ARMC8: variants seen among roughly 807,000 people sequenced by gnomAD.
ARMC8 encodes armadillo repeat containing 8, also known as armadillo repeat-containing protein 8.
ARMC8 carries 20 observed loss-of-function variants against 99.3 expected under a neutral mutation model. That is an observed-to-expected ratio of 0.20 (90% CI 0.14 to 0.29). The LOEUF (loss-of-function observed/expected upper bound fraction) is 0.29. ARMC8 is among the 10% of genes least tolerant of loss of function. The probability of loss-of-function intolerance (pLI) is 1.00; values close to 1 mark genes in which losing one functional copy is unlikely to be tolerated. For synonymous variants in ARMC8, 263 were observed against 278.3 expected, an observed-to-expected ratio of 0.95 and a Z score of 0.55; for missense variants, 569 against 809.5, an observed-to-expected ratio of 0.70 and a Z score of 3.60.
intron 7 of ARMC8, among the ~76,000 whole-genome samples, chr3:138,236,397 C>G (rs1056420022): frequency 1.3e-5 from 2 of 152,192 alleles, no homozygotes; most frequent in South Asian, 4.1e-4. Context: ...ATTAATTCCC[C>G]CAGCTCTTCC....
chr3:138,293,391 TAGC>T (rs1055223655), intron 21 of ARMC8, among the ~76,000 whole-genome samples: 34 of 152,012 alleles, frequency 2.2e-4, no homozygotes, highest in African/African-American at 8.0e-4. Flanking sequence ...CTCCAAAAAT[TAGC>T]AGGGCATGGT....
Position 138,237,300 on chromosome 3 carries a change from T to G in ARMC8, c.610-9T>G. The G allele has an allele frequency of 6.2e-7, 1 of 1,610,528 alleles. No individual in the cohort carries two copies. The highest frequency in any genetic ancestry group is 8.5e-7 in the Non-Finnish European group (1 of 1,179,148). On this transcript the variant is annotated splice_polypyrimidine_tract_variant and intron_variant, in intron 7 of 21. Coordinates refer to ENST00000469044, the MANE Select transcript of ARMC8 (RefSeq NM_001363941.2). The stretch of plus-strand genomic sequence containing the variant: ...AACACATTTTTTGTTTGTTCATTTA[T>G]TTTTACAGGTTCGAATGCAAGCACT...
chr3:138,196,438 G>A (rs1048502716), intron 1 of ARMC8, among the ~76,000 whole-genome samples: 2 of 152,138 alleles, frequency 1.3e-5, no homozygotes, highest in African/African-American at 2.4e-5. Flanking sequence ...TTAAGGATGA[G>A]AATCTCAATA....
In ARMC8 at chr3:138,237,335, C is replaced by T; in HGVS notation, c.636C>T (p.Phe212=). ...TTCGAATGCAAGCACTGAAATGTTT[C>T]TCAGTTTTAGCTTTTGAAAACCCCC... ...YKVRMQALKC[F]SVLAFENPQV... is the part of the protein sequence containing the mutation. Residue 212 remains phenylalanine (F), a synonymous_variant, in exon 8 of 22, where the codon TTC becomes TTT. Coordinates refer to ENST00000469044, the MANE Select transcript of ARMC8 (RefSeq NM_001363941.2). 1 of 1,613,130 alleles carries T rather than the reference C, an allele frequency of 6.2e-7. No individual in the cohort carries two copies. The highest frequency in any genetic ancestry group is 1.1e-5 in the South Asian group (1 of 90,804).
intron 1 of ARMC8, among the ~76,000 whole-genome samples, chr3:138,208,225 T>C (rs1417551500): frequency 6.6e-6 from 1 of 152,184 alleles, no homozygotes; most frequent in Non-Finnish European, 1.5e-5. Context: ...CCCAGCACTT[T>C]GGGAGGCCAA....
chr3:138,249,165 A>G (rs2047014445), intron 12 of ARMC8, among the ~76,000 whole-genome samples: 1 of 152,216 alleles, frequency 6.6e-6, no homozygotes. Flanking sequence ...GCAATATTGC[A>G]TTATTAAGCA....
intron 2 of ARMC8, among the ~76,000 whole-genome samples, chr3:138,216,158 T>G (rs183714322): frequency 4.0e-5 from 6 of 151,878 alleles, no homozygotes; most frequent in African/African-American, 1.4e-4. Context: ...AAGTGCTGCT[T>G]TTCATGGTTT....
chr3:138,196,658 C>T (rs555890476), intron 1 of ARMC8, among the ~76,000 whole-genome samples: 1 of 152,150 alleles, frequency 6.6e-6, no homozygotes, highest in East Asian at 1.9e-4. Flanking sequence ...CATCTGAGGT[C>T]AGGAGTCTGA....
chr3:138,238,374 T>A (rs1189580527), intron 9 of ARMC8: 1 of 152,278 alleles, frequency 6.6e-6, no homozygotes, highest in African/African-American at 2.4e-5. Flanking sequence ...TGCAGAGTTT[T>A]TATTAGCACA....
intron 12 of ARMC8, among the ~76,000 whole-genome samples, chr3:138,255,175 A>G (rs1251638655): frequency 2.0e-5 from 3 of 151,132 alleles, no homozygotes; most frequent in Non-Finnish European, 2.9e-5. Context: ...ATGCCTCCCA[A>G]ACATTGTTCT....
intron 12 of ARMC8, among the ~76,000 whole-genome samples, chr3:138,259,585 AC>A (rs1458043296): frequency 6.6e-6 from 1 of 152,220 alleles, no homozygotes; most frequent in Non-Finnish European, 1.5e-5. Context: ...TAGCAGGGTT[AC>A]TGAATTATCT....
chr3:138,272,643 A>G (rs1418942879), intron 16 of ARMC8, among the ~76,000 whole-genome samples: 1 of 152,206 alleles, frequency 6.6e-6, no homozygotes, highest in Non-Finnish European at 1.5e-5. Context: ...TTGGAAGGCC[A>G]AAGCAAGTGG....
intron 1 of ARMC8, among the ~76,000 whole-genome samples, chr3:138,198,221 G>C (rs2043848085): frequency 6.6e-6 from 1 of 151,980 alleles, no homozygotes; most frequent in Admixed American, 6.5e-5. Flanking sequence ...AAAAGTAAAG[G>C]CTGCTCTTCA....
chr3:138,274,521 C>T lies in ARMC8; in HGVS notation c.1702C>T (p.His568Tyr), dbSNP rs1373029116. The T allele has an allele frequency of 1.9e-6, 3 of 1,612,792 alleles. No individual in the cohort carries two copies. Among genetic ancestry groups the T allele is most frequent in the Non-Finnish European group, 2.5e-6 (3 of 1,178,972 alleles). The change falls in exon 18 of 22, where the codon CAT (histidine) becomes TAT (tyrosine). Residue 568 changes from histidine to tyrosine, a missense_variant. His to Tyr is a moderately conservative substitution (Grantham distance 83, BLOSUM62 2). Coordinates refer to ENST00000469044, the MANE Select transcript of ARMC8 (RefSeq NM_001363941.2). ...CGTCACTCTTATTCTAGAAGGGGAA[C>T]ATAACATTGAGGTCAAAGAGCAGGT... is the stretch of plus-strand genomic sequence containing the variant. ...QAVTLILEGEHNIEVKEQTLC... is the reference protein window; with the variant it reads ...QAVTLILEGEYNIEVKEQTLC...
rs1455925329 is a variant in ARMC8 at position 138,284,541 on chromosome 3, C to G, written c.1821+15C>G. The G allele has an allele frequency of 1.3e-6, 2 of 1,562,296 alleles. No homozygotes were observed. Among genetic ancestry groups the G allele is most frequent in the South Asian group, 2.2e-5 (2 of 89,892 alleles). On this transcript the variant is annotated intron_variant, in intron 19 of 21. Transcript: ENST00000469044. ...AGTATTACATGGTGAGCCCTTGTCCCCTTTCACCGTAGGATTAGAATGCAG... is the reference window on the plus strand; with the variant it reads ...AGTATTACATGGTGAGCCCTTGTCCGCTTTCACCGTAGGATTAGAATGCAG...
At chr3:138,200,948 T>C (rs1389131793) in intron 1 of ARMC8, among the ~76,000 whole-genome samples, 1 of 138,522 alleles carries the variant, frequency 7.2e-6, no homozygotes, top group Non-Finnish European at 1.5e-5. Flanking sequence ...AGTCTCCCTC[T>C]GTTACCCAGG....
chr3:138,245,989 G>A (rs949870691), intron 12 of ARMC8: 1 of 985,020 alleles, frequency 1.0e-6, no homozygotes, highest in African/African-American at 1.7e-5. Context: ...GAGCAAATTA[G>A]TCATTATTTA....
At chr3:138,231,961 CTTTTTTTTTTTTT>C (rs61298993) in intron 6 of ARMC8, among the ~76,000 whole-genome samples, 4 of 58,628 alleles carry the variant, frequency 6.8e-5, no homozygotes, top group South Asian at 9.8e-4. Context: ...CTTGCAATTG[CTTTTTTTTTTTTT>C]TTTTTTTTTT....
At chr3:138,222,763 C>T (rs1426228281) in intron 3 of ARMC8, among the ~76,000 whole-genome samples, 1 of 152,004 alleles carries the variant, frequency 6.6e-6, no homozygotes, top group Non-Finnish European at 1.5e-5. Context: ...ATAAATAGTG[C>T]TTTATGGAGC....
Sources: gnomAD v4.1 joint callset for allele counts (sites outside exome capture counted in the v4.1 genomes callset) on GRCh38, gnomAD v4.1.1 for gene constraint, MANE v1.5 for transcripts, NCBI Gene and HGNC (gene_info 2026-07-23, HGNC 2026-07-21) for gene names.